Variants in CHRM2 observed in about 807,000 individuals in gnomAD.
CHRM2 encodes cholinergic receptor muscarinic 2.
Under a neutral mutation model 25.0 loss-of-function variants are expected in CHRM2, and 8 were observed. The observed-to-expected ratio is 0.32, with a 90% CI of 0.19 to 0.58. The LOEUF (loss-of-function observed/expected upper bound fraction) is 0.58, where lower values mean the gene tolerates loss of function less well. Ranked by LOEUF, CHRM2 falls within the 20% of genes least tolerant of loss-of-function variation. The pLI is 0.88. For missense variants in CHRM2, 440 were observed against 567.1 expected (o/e 0.78, Z 2.28); for synonymous variants, 202 against 205.7 (o/e 0.98, Z 0.15).
intron 2 of CHRM2, among the ~76,000 whole-genome samples, chr7:136,875,078 CACATATAT>C (rs888019290): frequency 2.0e-5 from 3 of 148,488 alleles, no homozygotes; most frequent in Non-Finnish European, 3.0e-5. Context: ...TATATATATA[CACATATAT>C]ACATATATAC....
At chr7:136,916,981 C>G (rs954094703) in intron 2 of CHRM2, among the ~76,000 whole-genome samples, 1 of 151,742 alleles carries the variant, frequency 6.6e-6, no homozygotes. Flanking sequence ...TTTATTACTT[C>G]TTCCCTATTT....
intron 2 of CHRM2, among the ~76,000 whole-genome samples, chr7:136,985,504 CAAAAAAAAA>C (rs974105875): frequency 3.3e-5 from 2 of 59,756 alleles, no homozygotes; most frequent in African/African-American, 1.5e-4. Context: ...AGTTAGACTC[CAAAAAAAAA>C]AAAAAAAAAA....
chr7:136,983,163 CT>C (rs1802602012), intron 2 of CHRM2, among the ~76,000 whole-genome samples: 1 of 152,096 alleles, frequency 6.6e-6, no homozygotes, highest in Non-Finnish European at 1.5e-5. Flanking sequence ...TTACTCTAAT[CT>C]TGTCTTCATG....
At chr7:136,976,120 T>C (rs1802089404) in intron 2 of CHRM2, among the ~76,000 whole-genome samples, 1 of 152,104 alleles carries the variant, frequency 6.6e-6, no homozygotes, top group South Asian at 2.1e-4. Context: ...AAATGAGCCA[T>C]GTATACAAAG....
intron 2 of CHRM2, among the ~76,000 whole-genome samples, chr7:136,921,794 C>CTTTCTTTTTTTTTTT (rs776923730): frequency 5.1e-5 from 6 of 116,630 alleles, no homozygotes; most frequent in Admixed American, 1.8e-4. Flanking sequence ...TTCTTTCTTT[C>CTTTCTTTTTTTTTTT]TTTTTTTTGA....
At chr7:136,969,580 C>T (rs1801631852) in intron 2 of CHRM2, among the ~76,000 whole-genome samples, 1 of 152,172 alleles carries the variant, frequency 6.6e-6, no homozygotes, top group Admixed American at 6.5e-5. Context: ...GCCTTGCACA[C>T]ATTCTTGTCT....
chr7:136,943,396 A>G (rs1799883996), intron 2 of CHRM2, among the ~76,000 whole-genome samples: 1 of 152,182 alleles, frequency 6.6e-6, no homozygotes, highest in Non-Finnish European at 1.5e-5. Flanking sequence ...TTCCTCCAAA[A>G]TGTTGGAAAC....
chr7:136,977,784 TG>T (rs780632737), intron 2 of CHRM2, among the ~76,000 whole-genome samples: 3 of 152,214 alleles, frequency 2.0e-5, no homozygotes, highest in Non-Finnish European at 4.4e-5. Flanking sequence ...CAATTGCTTT[TG>T]GGGACCTACC....
intron 2 of CHRM2, among the ~76,000 whole-genome samples, chr7:136,923,371 C>A (rs1199113798): frequency 2.0e-5 from 3 of 151,714 alleles, no homozygotes; most frequent in African/African-American, 7.3e-5. Context: ...ACATTCCTCA[C>A]ACCCTCCCTG....
chr7:137,015,943 A>G lies in CHRM2; in HGVS notation c.1078A>G (p.Ile360Val). 6.2e-7 allele frequency: 1 copy of G among 1,613,162 alleles called. No homozygotes were observed. The highest frequency in any genetic ancestry group is 8.5e-7 in the Non-Finnish European group (1 of 1,179,456). Residue 360 changes from isoleucine to valine, a missense_variant, in exon 4 of 4, where the codon ATT becomes GTT. Physicochemically the swap from Ile to Val is conservative, Grantham distance 29. Transcript: ENST00000680005. The surrounding 1 kb of genome is among the most constrained non-coding windows in gnomAD (Gnocchi z 5.1). ...SGQNGDEKQN[I>V]VARKIVKMTK... is the part of the protein sequence containing the mutation. ...TCAGAATGGAGATGAAAAGCAGAATATTGTAGCCCGCAAGATTGTGAAGAT... is the reference window on the plus strand; with the variant it reads ...TCAGAATGGAGATGAAAAGCAGAATGTTGTAGCCCGCAAGATTGTGAAGAT...
At chr7:136,936,874 T>G (rs184566347) in intron 2 of CHRM2, among the ~76,000 whole-genome samples, 1 of 152,304 alleles carries the variant, frequency 6.6e-6, no homozygotes, top group Non-Finnish European at 1.5e-5. Flanking sequence ...GACTCTAAAT[T>G]AAGATGTCTC....
chr7:136,930,141 CAAAG>C (rs1290290762), intron 2 of CHRM2, among the ~76,000 whole-genome samples: 1 of 151,910 alleles, frequency 6.6e-6, no homozygotes, highest in Non-Finnish European at 1.5e-5. Context: ...GCACTTAAAA[CAAAG>C]AAAGAGGCCG....
chr7:136,915,546 G>A (rs1313663697), intron 2 of CHRM2, among the ~76,000 whole-genome samples: 5 of 151,770 alleles, frequency 3.3e-5, no homozygotes, highest in Non-Finnish European at 5.9e-5. Flanking sequence ...ATTGGAACAT[G>A]TTCTAGTTTA....
chr7:136,978,231 T>C lies in CHRM2; in HGVS notation c.-124-13956T>C, dbSNP rs1802238596. Among the ~76,000 whole-genome samples, 3 of 152,164 alleles carry C rather than the reference T, an allele frequency of 2.0e-5. No individual in the cohort carries two copies. In the South Asian group the frequency reaches 6.2e-4, roughly 31 times the overall value. On this transcript the variant is annotated intron_variant, in intron 2 of 3. Transcript: ENST00000680005. ...ACTGAATCTAAAATCAAACTTACAA[T>C]TATTTTTAAAAAGAATTATTGGAAT...
At chr7:136,965,467 CTGTTT>C (rs1203248526) in intron 2 of CHRM2, among the ~76,000 whole-genome samples, 6 of 151,958 alleles carry the variant, frequency 3.9e-5, no homozygotes, top group Admixed American at 6.6e-5. Context: ...AATGAGCAGC[CTGTTT>C]TATTTTGCAT....
At chr7:136,915,995 G>A (rs1469629285) in intron 2 of CHRM2, among the ~76,000 whole-genome samples, 3 of 151,206 alleles carry the variant, frequency 2.0e-5, no homozygotes, top group Non-Finnish European at 4.4e-5. Context: ...GTCCCATTGT[G>A]GGTACTTATA....
chr7:136,914,653 C>T (rs1162584671), intron 2 of CHRM2, among the ~76,000 whole-genome samples: 1 of 151,902 alleles, frequency 6.6e-6, no homozygotes, highest in East Asian at 1.9e-4. Flanking sequence ...GATTCAAGTG[C>T]CACCTTGATG....
intron 2 of CHRM2, among the ~76,000 whole-genome samples, chr7:136,921,531 G>A (rs2130735748): frequency 6.6e-6 from 1 of 152,078 alleles, no homozygotes; most frequent in Non-Finnish European, 1.5e-5. Flanking sequence ...TCAGCATGTG[G>A]CCTCTTTAAT....
rs1419145832 is a variant in CHRM2, at chr7:137,018,157, C to A, written c.*1891C>A. 5.3e-5 allele frequency: 8 copies of A among 151,416 alleles called. No individual in the cohort carries two copies. Among genetic ancestry groups the A allele is most frequent in the Admixed American group, 1.3e-4 (2 of 15,156 alleles). 9.4% of individuals were successfully genotyped at this position (151,416 alleles called of 1,614,324 possible). On this transcript the variant is annotated 3_prime_UTR_variant, in exon 4 of 4. Coordinates refer to ENST00000680005, the MANE Select transcript of CHRM2 (RefSeq NM_001006630.2). ...TTTTGTATGATTAGCCTCATAGATG[C>A]CACCTCAACATTTTGGAGAGTTAAG...
Sources: gnomAD v4.1 joint callset for allele counts (sites outside exome capture counted in the v4.1 genomes callset) on GRCh38, gnomAD v4.1.1 for gene constraint, Gnocchi (gnomAD v3.1) non-coding constraint, MANE v1.5 for transcripts, NCBI Gene and HGNC (gene_info 2026-07-23, HGNC 2026-07-21) for gene names.